The following SNTG1 variants were observed in gnomAD, a reference collection of about 807,000 sequenced individuals.
The protein encoded by SNTG1 is syntrophin gamma 1.
SNTG1 carries 39 observed loss-of-function variants against 74.7 expected under a neutral mutation model. The ratio of observed to expected loss-of-function variants is 0.52; its 90% CI spans 0.40 to 0.68. The LOEUF is 0.68. Among genes scored for constraint, SNTG1 ranks in the 30% least tolerant of loss-of-function variants. SNTG1 has a pLI of 0.00. For missense variants in SNTG1, 685 were observed against 609.5 expected (o/e 1.12, Z -1.30); for synonymous variants, 254 against 217.1 (o/e 1.17, Z -1.49).
intron 2 of SNTG1, among the ~76,000 whole-genome samples, chr8:50,196,125 A>G (rs1195699950): frequency 1.3e-5 from 2 of 152,172 alleles, no homozygotes; most frequent in Non-Finnish European, 2.9e-5. Context: ...AGTTGATGGA[A>G]TTGTCCCAGG....
intron 12 of SNTG1, among the ~76,000 whole-genome samples, chr8:50,553,800 G>C (rs1339349960): frequency 4.6e-5 from 7 of 152,004 alleles, no homozygotes; most frequent in African/African-American, 1.7e-4. Flanking sequence ...ATAATTCTAT[G>C]AGAAATATAG....
intron 18 of SNTG1, among the ~76,000 whole-genome samples, chr8:50,791,268 C>G (rs1195986909): frequency 2.6e-5 from 4 of 151,752 alleles, no homozygotes; most frequent in African/African-American, 9.7e-5. Context: ...AATAAAGCTT[C>G]TAAGATCATT....
intron 15 of SNTG1, among the ~76,000 whole-genome samples, chr8:50,701,943 T>C (rs28470779): frequency 0.33 from 50,366 of 151,288 alleles, 10,847 homozygotes; most frequent in African/African-American, 0.61. Context: ...CTCCTCATCC[T>C]AGGTTCAAGT....
At chr8:50,021,444 C>G (rs1005973104) in intron 1 of SNTG1, among the ~76,000 whole-genome samples, 3 of 152,120 alleles carry the variant, frequency 2.0e-5, no homozygotes, top group African/African-American at 7.2e-5. Context: ...TTCCTCAAAT[C>G]CTTGTTAGAT....
intron 1 of SNTG1, among the ~76,000 whole-genome samples, chr8:49,994,317 C>T (rs1312068801): frequency 6.7e-6 from 1 of 149,426 alleles, no homozygotes; most frequent in African/African-American, 2.5e-5. Flanking sequence ...GTGCAATGGC[C>T]CAATCTCGGC....
intron 15 of SNTG1, among the ~76,000 whole-genome samples, chr8:50,682,977 A>G (rs930860988): frequency 6.6e-6 from 1 of 152,178 alleles, no homozygotes; most frequent in Non-Finnish European, 1.5e-5. Context: ...GCCCCAAAGG[A>G]TAGTACTCCC....
intron 12 of SNTG1, among the ~76,000 whole-genome samples, chr8:50,570,579 ATTATTATTG>A (rs754911986): frequency 0.066 from 3,213 of 48,382 alleles, 56 homozygotes; most frequent in Middle Eastern, 0.08. Context: ...TATTATTATT[ATTATTATTG>A]TTGTTATTAT....
intron 13 of SNTG1, among the ~76,000 whole-genome samples, chr8:50,618,252 T>G (rs2094898166): frequency 6.6e-6 from 1 of 152,202 alleles, no homozygotes; most frequent in Admixed American, 6.5e-5. Context: ...TACCTGTAAC[T>G]GTTCCTTTGT....
At chr8:50,410,080 A>G (rs913859129) in intron 4 of SNTG1, among the ~76,000 whole-genome samples, 1 of 152,240 alleles carries the variant, frequency 6.6e-6, no homozygotes, top group African/African-American at 2.4e-5. Flanking sequence ...CTTTAAGAGA[A>G]CTAATATCTA....
intron 1 of SNTG1, among the ~76,000 whole-genome samples, chr8:50,145,876 G>A (rs1165858541): frequency 2.6e-5 from 4 of 150,976 alleles, no homozygotes; most frequent in East Asian, 1.9e-4. Flanking sequence ...CATTTAAAGG[G>A]GAAATAATAT....
At chr8:49,982,697 T>C in intron 1 of SNTG1, among the ~76,000 whole-genome samples, 1 of 151,506 alleles carries the variant, frequency 6.6e-6, no homozygotes, top group East Asian at 1.9e-4. Flanking sequence ...GGATGCTACC[T>C]TAACTTGCAT....
chr8:50,371,844 A>G (rs1342716827), intron 2 of SNTG1, among the ~76,000 whole-genome samples: 1 of 152,180 alleles, frequency 6.6e-6, no homozygotes, highest in Non-Finnish European at 1.5e-5. Flanking sequence ...TTGTGTAAGT[A>G]TAGCTACCCC....
At chr8:50,452,545 A>G (rs2093467008) in intron 8 of SNTG1, among the ~76,000 whole-genome samples, 1 of 152,224 alleles carries the variant, frequency 6.6e-6, no homozygotes, top group South Asian at 2.1e-4. Flanking sequence ...CAGCATGCTT[A>G]GACAAACTGA....
chr8:50,027,873 T>G (rs1354609329), intron 1 of SNTG1, among the ~76,000 whole-genome samples: 1 of 152,142 alleles, frequency 6.6e-6, no homozygotes, highest in Non-Finnish European at 1.5e-5. Flanking sequence ...CTTAAATGAT[T>G]AATCATTTTT....
At chr8:50,170,859 T>C (rs572428491) in intron 1 of SNTG1, among the ~76,000 whole-genome samples, 1 of 152,244 alleles carries the variant, frequency 6.6e-6, no homozygotes, top group Non-Finnish European at 1.5e-5. Flanking sequence ...AATGGGCACC[T>C]CCTGGAGGAC....
intron 2 of SNTG1, among the ~76,000 whole-genome samples, chr8:50,311,874 G>T (rs2090127448): frequency 6.6e-6 from 1 of 152,158 alleles, no homozygotes; most frequent in Admixed American, 6.5e-5. Context: ...CCAAGTACTA[G>T]TCTTTGCATT....
chr8:50,208,129 TTCTGTC>T, intron 2 of SNTG1, among the ~76,000 whole-genome samples: 1 of 152,308 alleles, frequency 6.6e-6, no homozygotes, highest in Non-Finnish European at 1.5e-5. Context: ...CTTCTTAACT[TTCTGTC>T]TCGTCGATCT....
intron 2 of SNTG1, among the ~76,000 whole-genome samples, chr8:50,175,524 G>A (rs184673450): frequency 4.7e-4 from 71 of 152,320 alleles, no homozygotes; most frequent in Non-Finnish European, 9.0e-4. Flanking sequence ...GCCATCAGTG[G>A]CCAAGCTGTT....
At chr8:50,478,848 T>G (rs1312436186) in intron 8 of SNTG1, among the ~76,000 whole-genome samples, 1 of 152,186 alleles carries the variant, frequency 6.6e-6, no homozygotes, top group Non-Finnish European at 1.5e-5. Context: ...TTGAATAAAA[T>G]ATTTCTCTTA....
Sources: allele counts gnomAD v4.1 joint callset (sites outside exome capture counted in the v4.1 genomes callset), GRCh38; gene constraint gnomAD v4.1.1; transcripts MANE v1.5; gene names NCBI Gene and HGNC (gene_info 2026-07-23, HGNC 2026-07-21).